THBS1: variants seen among roughly 807,000 people sequenced by gnomAD.
THBS1 encodes thrombospondin-1.
In THBS1, 29 loss-of-function variants were observed where a neutral mutation model predicts 126.1. The observed-to-expected ratio is 0.23, with a 90% CI of 0.17 to 0.31. The LOEUF is 0.31. THBS1 is among the 10% of genes least tolerant of loss of function. The pLI is 1.00. For synonymous variants in THBS1, 496 were observed against 577.8 expected (o/e 0.86, Z 2.03); for missense variants, 1,198 against 1,545.2 (o/e 0.78, Z 3.77).
intron 6 of THBS1, 120 bp downstream of exon 6, chr15:39,584,542 T>G (rs1788154984): frequency 7.3e-7 from 1 of 1,360,704 alleles, no homozygotes; most frequent in South Asian, 1.5e-5. Context: ...GATAACAAAG[T>G]GTTTTTTTTT....
rs572095311 is a variant in THBS1, at chr15:39,594,725, T to C, written c.3505+285T>C. Among the ~76,000 whole-genome samples the C allele has an allele frequency of 3.3e-5, 5 of 152,370 alleles. No individual in the cohort carries two copies. Among genetic ancestry groups the C allele is most frequent in the African/African-American group, 1.2e-4 (5 of 41,596 alleles). On this transcript the variant is annotated intron_variant, in intron 21 of 21. Coordinates refer to ENST00000260356, the MANE Select transcript of THBS1 (RefSeq NM_003246.4). The surrounding 1 kb of genome is among the most constrained non-coding windows in gnomAD (Gnocchi z 4.4). Reference sequence around the variant, plus strand: ...AAGCTCCTATATAATTTGGACTTCATTAATAATACTGTTCTTTACAATTAT... The same window carrying C: ...AAGCTCCTATATAATTTGGACTTCACTAATAATACTGTTCTTTACAATTAT...
At chr15:39,585,964 C>A (rs1405684639) in intron 7 of THBS1, among the ~76,000 whole-genome samples, 1 of 152,148 alleles carries the variant, frequency 6.6e-6, no homozygotes, top group Non-Finnish European at 1.5e-5. Flanking sequence ...TTGGCCTGAT[C>A]GGGCCTGGAA....
intron 15 of THBS1, 69 bp downstream of exon 15, chr15:39,591,419 G>C: frequency 1.2e-6 from 2 of 1,603,122 alleles, no homozygotes; most frequent in South Asian, 2.2e-5. Flanking sequence ...ACGTACTTCT[G>C]TCTAGTCCTG....
At chr15:39,590,888 C>T (rs980375146) in intron 14 of THBS1, 3 of 531,050 alleles carry the variant, frequency 5.6e-6, no homozygotes, top group Non-Finnish European at 9.9e-6. Context: ...CACTTTGTTC[C>T]CTAGATTCAT....
chr15:39,582,251 G>C lies in THBS1; in HGVS notation c.126G>C (p.Lys42Asn), dbSNP rs1365197889. 1 of 1,613,926 alleles carries C rather than the reference G, an allele frequency of 6.2e-7. No individual in the cohort carries two copies. Among genetic ancestry groups the C allele is most frequent in the East Asian group, 2.2e-5 (1 of 44,890 alleles). Residue 42 changes from lysine to asparagine, a missense_variant, in exon 3 of 22, where the codon AAG becomes AAC. Lys to Asn is a moderately conservative substitution (Grantham distance 94). Coordinates refer to ENST00000260356, the MANE Select transcript of THBS1 (RefSeq NM_003246.4). ...DIFELTGAARKGSGRRLVKGP... is the reference protein window; with the variant it reads ...DIFELTGAARNGSGRRLVKGP... ...TTGAACTCACCGGGGCCGCCCGCAA[G>C]GGGTCTGGGCGCCGACTGGTGAAGG...
rs1246151846 is a variant in THBS1 at position 39,592,392 on chromosome 15, AC to A, written c.2533-175del. The stretch of plus-strand genomic sequence containing the variant: ...ACGAAAACAAAGATAAAGGAAAAAA[AC>A]TTTTAAAATGTAATTGCTACTATTG... On this transcript the variant is annotated intron_variant, in intron 16 of 21. Coordinates refer to ENST00000260356, the MANE Select transcript of THBS1 (RefSeq NM_003246.4). The surrounding 1 kb of genome is among the most constrained non-coding windows in gnomAD (Gnocchi z 4.3). 1.3e-5 allele frequency among the ~76,000 whole-genome samples: 2 copies of A among 152,344 alleles called. No homozygotes were observed. Among genetic ancestry groups the A allele is most frequent in the South Asian group, 2.1e-4 (1 of 4,830 alleles).
At chr15:39,587,954 G>T in intron 8 of THBS1, 88 bp from the exon 9 acceptor site, 1 of 1,361,212 alleles carries the variant, frequency 7.3e-7, no homozygotes. Context: ...ACCATTTCCT[G>T]GAAATACTTC....
chr15:39,590,734 A>T (rs1290732285), intron 14 of THBS1, 111 bp downstream of exon 14: 5 of 782,234 alleles, frequency 6.4e-6, no homozygotes, highest in African/African-American at 1.8e-5. Context: ...CCAAATCAAT[A>T]CACAGGATAA....
In THBS1 at chr15:39,597,280, G is replaced by GTTTTTTTTTTTTTTTTTTTTTTTTT; in HGVS notation, c.*1932_*1933insTTTTTTTTTTTTTTTTTTTTTTTTT. The stretch of plus-strand genomic sequence containing the variant: ...GTTGGTTTTTTCTTTTTTTTGTTTT[G>GTTTTTTTTTTTTTTTTTTTTTTTTT]TTTTTTTTTTTTTTTTTTTTTGCTT... On this transcript the variant is annotated 3_prime_UTR_variant, in exon 22 of 22. Coordinates refer to ENST00000260356, the MANE Select transcript of THBS1 (RefSeq NM_003246.4). 2.4e-3 allele frequency: 113 copies of GTTTTTTTTTTTTTTTTTTTTTTTTT among 48,046 alleles called. No individual in the cohort carries two copies. The highest frequency in any genetic ancestry group is 3.6e-3 in the South Asian group (4 of 1,104). 3.0% of individuals were successfully genotyped at this position (48,046 alleles called of 1,614,324 possible).
At position 39,598,576 on chromosome 15, in the gene THBS1, A is replaced by C. The variant is rs973882715; in HGVS notation, c.*3207A>C. The C allele has an allele frequency of 1.3e-5, 2 of 152,228 alleles. No homozygotes were observed. Among genetic ancestry groups the C allele is most frequent in the African/African-American group, 4.8e-5 (2 of 41,458 alleles). 9.4% of individuals were successfully genotyped at this position (152,228 alleles called of 1,614,324 possible). A position where few individuals can be genotyped will look rare whatever the true frequency, so the allele number is the denominator to read the frequency against. On this transcript the variant is annotated 3_prime_UTR_variant, in exon 22 of 22. Transcript: ENST00000260356. ...CTGATTGAAAATACCAAGATAAGAC[A>C]GAAAAAGTGACTGGAAAGAGGAGCT...
At chr15:39,583,015 C>A (rs1890142500) in intron 3 of THBS1, among the ~76,000 whole-genome samples, 1 of 152,234 alleles carries the variant, frequency 6.6e-6, no homozygotes, top group Non-Finnish European at 1.5e-5. Flanking sequence ...GAAAACTACT[C>A]AAGGAAACAA....
At chr15:39,583,335 T>C (rs758479355) in intron 3 of THBS1, among the ~76,000 whole-genome samples, 11 of 152,208 alleles carry the variant, frequency 7.2e-5, no homozygotes, top group Admixed American at 1.3e-4. Context: ...TGTCATTATA[T>C]CCTCTAGGCT....
Position 39,581,236 on chromosome 15 carries a change from GC to G in THBS1, c.-30+13del. ...GCGCTCCGGTACACACAGGTAAGTCGCCCCCGGCGGCCGCCGAGGACCAAAG... is the reference window on the plus strand; with the variant it reads ...GCGCTCCGGTACACACAGGTAAGTCGCCCCGGCGGCCGCCGAGGACCAAAG... On this transcript the variant is annotated intron_variant, in intron 1 of 21. Coordinates refer to ENST00000260356, the MANE Select transcript of THBS1 (RefSeq NM_003246.4). 1 of 153,622 alleles carries G rather than the reference GC, an allele frequency of 6.5e-6. No individual in the cohort carries two copies. The highest frequency in any genetic ancestry group is 1.8e-4 in the South Asian group (1 of 5,538). The allele number at this position is 153,622 out of a possible 1,614,324, so 9.5% of individuals were successfully genotyped here. A position where few individuals can be genotyped will look rare whatever the true frequency, so the allele number is the denominator to read the frequency against.
Position 39,589,630 on chromosome 15 carries a change from C to T in THBS1, c.1927-175C>T, listed in dbSNP as rs1353083709. 6.6e-6 allele frequency among the ~76,000 whole-genome samples: 1 copy of T among 152,168 alleles called. No individual in the cohort carries two copies. Among genetic ancestry groups the T allele is most frequent in the Non-Finnish European group, 1.5e-5 (1 of 68,020 alleles). On this transcript the variant is annotated intron_variant, in intron 12 of 21. Coordinates refer to ENST00000260356, the MANE Select transcript of THBS1 (RefSeq NM_003246.4). This position sits in a 1 kb window ranked among gnomAD's most constrained non-coding sequence, Gnocchi z 4.7. ...GCTGAGCAAATTCAAGAAAAATAAA[C>T]ATAAAGCAAAGTTTGCTTATAGCCT...
chr15:39,593,629 G>T lies in THBS1; in HGVS notation c.3228G>T (p.Leu1076=). The T allele has an allele frequency of 6.2e-7, 1 of 1,614,078 alleles. No individual in the cohort carries two copies. The highest frequency in any genetic ancestry group is 8.5e-7 in the Non-Finnish European group (1 of 1,180,040). Residue 1076 remains leucine (L), a synonymous_variant, in exon 19 of 22, where the codon CTG becomes CTT. Transcript: ENST00000260356. The surrounding 1 kb of genome is among the most constrained non-coding windows in gnomAD (Gnocchi z 5.9). ...CCACCACAGGGCCTGGCGAGCACCTGCGGAACGCCCTGTGGCACACAGGAA... is the reference window on the plus strand; with the variant it reads ...CCACCACAGGGCCTGGCGAGCACCTTCGGAACGCCCTGTGGCACACAGGAA... The part of the protein sequence containing the change: ...VNSTTGPGEH[L]RNALWHTGNT...
chr15:39,590,421 C>A, intron 13 of THBS1, 95 bp from the exon 14 acceptor site: 1 of 1,008,356 alleles, frequency 9.9e-7, no homozygotes, highest in African/African-American at 1.6e-5. Context: ...AAATTCTGTT[C>A]TTTTTCTATT....
rs1404502783 is a variant in THBS1, at chr15:39,589,765, C to A, written c.1927-40C>A. On this transcript the variant is annotated intron_variant, in intron 12 of 21. Coordinates refer to ENST00000260356, the MANE Select transcript of THBS1 (RefSeq NM_003246.4). This position sits in a 1 kb window ranked among gnomAD's most constrained non-coding sequence, Gnocchi z 4.7. ...CTTGTTTCCATGATATCTGAGGATT[C>A]TCAAAAGCTCTGTGTAACAGCAGCA... The A allele has an allele frequency of 3.3e-6, 5 of 1,536,702 alleles. No homozygotes were observed. Among genetic ancestry groups the A allele is most frequent in the Non-Finnish European group, 4.4e-6 (5 of 1,141,838 alleles).
chr15:39,586,060 C>G (rs908846405), intron 7 of THBS1, among the ~76,000 whole-genome samples: 1 of 152,140 alleles, frequency 6.6e-6, no homozygotes, highest in African/African-American at 2.4e-5. Flanking sequence ...AAATAAGGCA[C>G]GATATCGTTC....
chr15:39,587,248 T>A lies in THBS1; in HGVS notation c.1121-99T>A, dbSNP rs1179754014. 16 of 1,225,436 alleles carry A rather than the reference T, an allele frequency of 1.3e-5. 1 individual carries two copies. The highest frequency in any genetic ancestry group is 2.0e-4 in the Middle Eastern group (1 of 5,078). 75.9% of individuals were successfully genotyped at this position (1,225,436 alleles called of 1,614,324 possible). A position where few individuals can be genotyped will look rare whatever the true frequency, so the allele number is the denominator to read the frequency against. On this transcript the variant is annotated intron_variant, in intron 7 of 21. Coordinates refer to ENST00000260356, the MANE Select transcript of THBS1 (RefSeq NM_003246.4). ...AGCCAAAAAGAAATAAATATATTGC[T>A]TTTCACCCTCTGGCAAGTGGAGGGC...
Sources: gnomAD v4.1 joint callset for allele counts (sites outside exome capture counted in the v4.1 genomes callset) on GRCh38, gnomAD v4.1.1 for gene constraint, Gnocchi (gnomAD v3.1) non-coding constraint, MANE v1.5 for transcripts, NCBI Gene and HGNC (gene_info 2026-07-23, HGNC 2026-07-21) for gene names.